The following STARD9 variants were observed in gnomAD, a reference collection of about 807,000 sequenced individuals.
STARD9 encodes stAR-related lipid transfer protein 9.
Under a neutral mutation model 399.8 loss-of-function variants are expected in STARD9, and 346 were observed. That is an observed-to-expected ratio of 0.87 (90% CI 0.79 to 0.95). The LOEUF (loss-of-function observed/expected upper bound fraction) is 0.95, where lower values mean the gene tolerates loss of function less well. STARD9 is among the 40% of genes least tolerant of loss of function. The pLI, the probability that STARD9 is intolerant of heterozygous loss-of-function variation, is 0.00. For synonymous variants in STARD9, 2,203 were observed against 2,143.5 expected, an observed-to-expected ratio of 1.03 and a Z score of -0.77; for missense variants, 5,832 against 5,667.5, an observed-to-expected ratio of 1.03 and a Z score of -0.93.
intron 26 of STARD9, among the ~76,000 whole-genome samples, chr15:42,701,803 GC>G (rs931086177): frequency 6.6e-6 from 1 of 151,890 alleles, no homozygotes; most frequent in African/African-American, 2.4e-5. Context: ...GACCAGCCTG[GC>G]CAACATAGTG....
chr15:42,635,095 C>A (rs926422016), intron 4 of STARD9, 123 bp downstream of exon 4: 4 of 524,720 alleles, frequency 7.6e-6, no homozygotes, highest in African/African-American at 5.9e-5. Context: ...ATTGAATGAG[C>A]CTTCTTCTGT....
chr15:42,631,838 A>G (rs1245414747), intron 3 of STARD9, among the ~76,000 whole-genome samples: 4 of 151,784 alleles, frequency 2.6e-5, no homozygotes, highest in African/African-American at 9.7e-5. Context: ...TAAATTATTT[A>G]AGATGTGTTT....
intron 3 of STARD9, among the ~76,000 whole-genome samples, chr15:42,604,315 A>T (rs1022284972): frequency 6.6e-6 from 1 of 152,150 alleles, no homozygotes; most frequent in Non-Finnish European, 1.5e-5. Flanking sequence ...TTATTTGTGG[A>T]AGCTCATAAG....
At chr15:42,715,460 C>T (rs1310735674) in intron 26 of STARD9, among the ~76,000 whole-genome samples, 2 of 151,852 alleles carry the variant, frequency 1.3e-5, no homozygotes, top group Non-Finnish European at 2.9e-5. Context: ...AGGGGAGGAT[C>T]ACTTGAGCCC....
intron 26 of STARD9, 60 bp from the exon 27 acceptor site, chr15:42,716,617 C>A: frequency 9.4e-7 from 1 of 1,063,638 alleles, no homozygotes; most frequent in Non-Finnish European, 1.4e-6. Context: ...AGTTCAGAGG[C>A]AGAGGAGATA....
Position 42,674,944 on chromosome 15 carries a change from C to A in STARD9, c.1667C>A (p.Ala556Asp). 6.5e-7 allele frequency: 1 copy of A among 1,535,574 alleles called. No individual in the cohort carries two copies. The highest frequency in any genetic ancestry group is 1.2e-5 in the South Asian group (1 of 83,724). ...ACAGTCAATGGCCGGGAGGTCACTG[C>A]CTCCTGCCGTCTGACTCAAGGTAGG... ...RCTVNGREVT[A>D]SCRLTQGAVI... The change falls in exon 18 of 33, where the codon GCC (alanine) becomes GAC (aspartate). Residue 556 changes from alanine (A) to aspartate (D), a missense_variant. This residue lies in a region of STARD9 where 5,828 missense variants were observed against 5,651.1 expected (regional missense o/e 1.03). Transcript: ENST00000290607.
chr15:42,708,314 G>A (rs959974936), intron 26 of STARD9, among the ~76,000 whole-genome samples: 1 of 152,184 alleles, frequency 6.6e-6, no homozygotes, highest in African/African-American at 2.4e-5. Context: ...TGGCCCTTTG[G>A]CCAGATCTGG....
chr15:42,611,162 C>T (rs1281015391), intron 3 of STARD9, among the ~76,000 whole-genome samples: 1 of 152,160 alleles, frequency 6.6e-6, no homozygotes, highest in Non-Finnish European at 1.5e-5. Flanking sequence ...CCAAATCTTG[C>T]CACCACCTGT....
At chr15:42,657,807 C>T (rs2059905707) in intron 9 of STARD9, among the ~76,000 whole-genome samples, 1 of 152,036 alleles carries the variant, frequency 6.6e-6, no homozygotes, top group Admixed American at 6.5e-5. Context: ...GAATAGAGTC[C>T]AAAATAGACT....
chr15:42,663,069 A>G (rs1407258566), intron 11 of STARD9, 178 bp downstream of exon 11: 1 of 696,980 alleles, frequency 1.4e-6, no homozygotes, highest in Admixed American at 2.9e-5. Context: ...TACTACCATC[A>G]TTTCTCAAAG....
At chr15:42,623,416 A>C (rs183773847) in intron 3 of STARD9, among the ~76,000 whole-genome samples, 10 of 152,258 alleles carry the variant, frequency 6.6e-5, no homozygotes, top group East Asian at 5.8e-4. Context: ...TCTATGGTCT[A>C]TCTCTCCAAC....
rs1251070731 is a variant in STARD9 at position 42,720,143 on chromosome 15, T to C, written c.*569T>C. Reference sequence around the variant, plus strand: ...TCCCTCTTGAGTTTTTGCAAAATACTTTATTATTGATTTTTGCTTTTTTTC... The same window carrying C: ...TCCCTCTTGAGTTTTTGCAAAATACCTTATTATTGATTTTTGCTTTTTTTC... On this transcript the variant is annotated 3_prime_UTR_variant, in exon 33 of 33. Transcript: ENST00000290607. 1 of 152,370 alleles carries C rather than the reference T, an allele frequency of 6.6e-6. No individual in the cohort carries two copies. The highest frequency in any genetic ancestry group is 1.5e-5 in the Non-Finnish European group (1 of 68,156). The allele number at this position is 152,370 out of a possible 1,614,324, so 9.4% of individuals were successfully genotyped here. A position where few individuals can be genotyped will look rare whatever the true frequency, so the allele number is the denominator to read the frequency against.
intron 3 of STARD9, among the ~76,000 whole-genome samples, chr15:42,626,336 T>TTCTTCCTCTTCCTCTTCTTCC (rs1391285044): frequency 1.3e-5 from 2 of 148,452 alleles, no homozygotes; most frequent in African/African-American, 5.0e-5. Context: ...CCTCTTCCTC[T>TTCTTCCTCTTCCTCTTCTTCC]TCTTCCTCTT....
At chr15:42,609,017 T>C (rs1188920065) in intron 3 of STARD9, among the ~76,000 whole-genome samples, 2 of 152,120 alleles carry the variant, frequency 1.3e-5, no homozygotes, top group African/African-American at 4.8e-5. Flanking sequence ...CTCTTTCCTC[T>C]TTGGTACCTC....
chr15:42,688,774 G>T lies in STARD9; in HGVS notation c.7196G>T (p.Arg2399Leu). 6.5e-7 allele frequency: 1 copy of T among 1,537,574 alleles called. No homozygotes were observed. The highest frequency in any genetic ancestry group is 8.7e-7 in the Non-Finnish European group (1 of 1,146,974). ...SHSPEGNVRG[R>L]SSEAHTAWCG... ...AGCCCCGAAGGAAATGTTAGAGGGCGTTCCTCTGAGGCACACACTGCCTGG... is the reference window on the plus strand; with the variant it reads ...AGCCCCGAAGGAAATGTTAGAGGGCTTTCCTCTGAGGCACACACTGCCTGG... The change falls in exon 23 of 33, where the codon CGT (arginine) becomes CTT (leucine). Residue 2399 changes from arginine to leucine, a missense_variant. By Grantham distance (102) the Arg-to-Leu change is moderately radical (BLOSUM62 -2). This residue lies in a region of STARD9 where 5,828 missense variants were observed against 5,651.1 expected (regional missense o/e 1.03). Coordinates refer to ENST00000290607, the MANE Select transcript of STARD9 (RefSeq NM_020759.3).
intron 3 of STARD9, among the ~76,000 whole-genome samples, chr15:42,610,470 G>T (rs2058825686): frequency 6.6e-6 from 1 of 152,216 alleles, no homozygotes; most frequent in South Asian, 2.1e-4. Flanking sequence ...TGTAGCATAA[G>T]CCAGAAATAA....
chr15:42,670,981 A>G (rs2060191784), intron 16 of STARD9: 1 of 152,164 alleles, frequency 6.6e-6, no homozygotes, highest in Non-Finnish European at 1.5e-5. Context: ...GATCTGATAT[A>G]TGGATTGGAT....
At chr15:42,634,755 A>G (rs2059389081) in intron 3 of STARD9, 101 bp from the exon 4 acceptor site, 3 of 591,460 alleles carry the variant, frequency 5.1e-6, no homozygotes, top group Admixed American at 3.1e-5. Flanking sequence ...ATAGTCATGT[A>G]TGTTTGAAAT....
At chr15:42,678,266 C>T (rs545253441) in intron 20 of STARD9, among the ~76,000 whole-genome samples, 49 of 152,272 alleles carry the variant, frequency 3.2e-4, no homozygotes, top group Non-Finnish European at 8.8e-5. Context: ...GGTTGTGTGT[C>T]TACGAGTCTC....
Sources: allele counts gnomAD v4.1 joint callset (sites outside exome capture counted in the v4.1 genomes callset), GRCh38; gene constraint gnomAD v4.1.1; regional missense constraint gnomAD v4.1.1; transcripts MANE v1.5; gene names NCBI Gene and HGNC (gene_info 2026-07-23, HGNC 2026-07-21).